Variants in ART3 observed in about 807,000 individuals in gnomAD.
ART3 encodes the protein ADP-ribosyltransferase 3 (inactive), also known as ecto-ADP-ribosyltransferase 3.
ART3 carries 49 observed loss-of-function variants against 48.5 expected under a neutral mutation model. That is an observed-to-expected ratio of 1.01 (90% CI 0.80 to 1.28). The LOEUF (loss-of-function observed/expected upper bound fraction) is 1.28. ART3 is among the 50% of genes most tolerant of loss of function. The probability of loss-of-function intolerance (pLI) is 0.00; values close to 1 mark genes in which losing one functional copy is unlikely to be tolerated. For synonymous variants in ART3, 145 were observed against 157.2 expected, an observed-to-expected ratio of 0.92 and a Z score of 0.58; for missense variants, 438 against 454.3, an observed-to-expected ratio of 0.96 and a Z score of 0.33.
intron 1 of ART3, among the ~76,000 whole-genome samples, chr4:76,044,823 C>T (rs1735341562): frequency 6.6e-6 from 1 of 152,038 alleles, no homozygotes; most frequent in Admixed American, 6.6e-5. Context: ...CCCTCTCCTT[C>T]CCATTTTGAT....
At chr4:76,043,857 C>T (rs1425929523) in intron 1 of ART3, among the ~76,000 whole-genome samples, 1 of 151,956 alleles carries the variant, frequency 6.6e-6, no homozygotes, top group Non-Finnish European at 1.5e-5. Flanking sequence ...CTCAATCCCA[C>T]CTCTAAACAG....
intron 1 of ART3, among the ~76,000 whole-genome samples, chr4:76,063,354 A>G (rs557068219): frequency 2.8e-4 from 43 of 152,320 alleles, no homozygotes; most frequent in African/African-American, 1.0e-3. Flanking sequence ...GATTCAAGAC[A>G]TAATTCAGGA....
chr4:76,043,070 A>G (rs1735133573), intron 1 of ART3, among the ~76,000 whole-genome samples: 1 of 151,916 alleles, frequency 6.6e-6, no homozygotes, highest in Non-Finnish European at 1.5e-5. Context: ...CAGAGTGTCG[A>G]TTGGTGCATT....
intron 2 of ART3, among the ~76,000 whole-genome samples, chr4:76,077,007 G>A (rs1008925388): frequency 2.0e-4 from 30 of 151,656 alleles, no homozygotes; most frequent in Admixed American, 2.6e-4. Context: ...TTCCTGTGTC[G>A]CAGTATGTTT....
chr4:76,030,342 C>G (rs1733766978), intron 1 of ART3, among the ~76,000 whole-genome samples: 1 of 152,252 alleles, frequency 6.6e-6, no homozygotes, highest in African/African-American at 2.4e-5. Flanking sequence ...AGGCGTGAGC[C>G]ACCGTGTCTG....
At chr4:76,110,110 A>T (rs1729198321) in intron 11 of ART3, among the ~76,000 whole-genome samples, 1 of 151,086 alleles carries the variant, frequency 6.6e-6, no homozygotes, top group Non-Finnish European at 1.5e-5. Flanking sequence ...AAAAACATTT[A>T]TTTTTTTTTT....
chr4:76,044,857 A>G (rs1735344699), intron 1 of ART3, among the ~76,000 whole-genome samples: 3 of 151,626 alleles, frequency 2.0e-5, no homozygotes, highest in African/African-American at 7.3e-5. Flanking sequence ...TAAGACTCCC[A>G]CCTCTTTGGG....
intron 1 of ART3, chr4:76,033,976 C>T (rs1200472074): frequency 6.5e-6 from 1 of 153,086 alleles, no homozygotes; most frequent in African/African-American, 2.4e-5. Flanking sequence ...GTACAGTAAA[C>T]ACACATATCC....
Position 76,082,713 on chromosome 4 carries a change from G to A in ART3, c.781+178G>A, listed in dbSNP as rs538185919. On this transcript the variant is annotated intron_variant, in intron 3 of 11. Transcript: ENST00000355810. ...ATTTTATGAAAATTGTACATTTACA[G>A]TATTATTAAAAGTTAAAAAAAATTA... Among the ~76,000 whole-genome samples the A allele has an allele frequency of 3.5e-4, 54 of 152,230 alleles. 1 individual carries two copies. Among genetic ancestry groups the A allele is most frequent in the African/African-American group, 1.3e-3 (54 of 41,536 alleles).
intron 10 of ART3, 66 bp downstream of exon 10, chr4:76,104,695 A>G (rs1015470811): frequency 6.5e-7 from 1 of 1,526,950 alleles, no homozygotes; most frequent in East Asian, 2.5e-5. Flanking sequence ...ACCATTAGAT[A>G]TGCATGGGAC....
intron 1 of ART3, among the ~76,000 whole-genome samples, chr4:76,068,717 G>C (rs12640367): frequency 0.61 from 93,026 of 151,952 alleles, 29,528 homozygotes; most frequent in East Asian, 0.93. Context: ...ATGAAGTAAT[G>C]GGTACAACAA....
At chr4:76,019,224 TA>T (rs900965439) in intron 1 of ART3, among the ~76,000 whole-genome samples, 3 of 151,734 alleles carry the variant, frequency 2.0e-5, no homozygotes, top group Non-Finnish European at 2.9e-5. Flanking sequence ...AAAAGAAAAG[TA>T]GAGTAATTAC....
At chr4:76,040,120 T>G (rs913836389) in intron 1 of ART3, among the ~76,000 whole-genome samples, 1 of 151,854 alleles carries the variant, frequency 6.6e-6, no homozygotes, top group African/African-American at 2.4e-5. Flanking sequence ...AGGTCAGGAG[T>G]TCGAGACCAG....
intron 8 of ART3, among the ~76,000 whole-genome samples, chr4:76,102,650 G>A (rs1181080916): frequency 8.4e-6 from 1 of 118,582 alleles, no homozygotes; most frequent in African/African-American, 2.6e-5. Context: ...ACTGCATATA[G>A]AGTATAATAT....
rs145149250 is a variant in ART3 at position 76,018,936 on chromosome 4, G to A, written c.-10+7616G>A. On this transcript the variant is annotated intron_variant, in intron 1 of 9. Transcript: ENST00000341029. ...CATGCCTGTGGTCCTAGCTACATGGGAGGCAGAGGTGGGAGGATTGCTTGA... is the reference window on the plus strand; with the variant it reads ...CATGCCTGTGGTCCTAGCTACATGGAAGGCAGAGGTGGGAGGATTGCTTGA... Among the ~76,000 whole-genome samples the A allele has an allele frequency of 9.1e-4, 138 of 152,066 alleles. 3 individuals are homozygous for A. Among genetic ancestry groups the A allele is most frequent in the African/African-American group, 3.2e-3 (132 of 41,474 alleles).
At chr4:76,092,575 AC>A (rs1306729146) in intron 3 of ART3, among the ~76,000 whole-genome samples, 2 of 151,952 alleles carry the variant, frequency 1.3e-5, no homozygotes, top group Non-Finnish European at 2.9e-5. Context: ...TGTTTATCAT[AC>A]TTATTTGGAC....
At chr4:76,028,926 T>A (rs1433413031) in intron 1 of ART3, among the ~76,000 whole-genome samples, 1 of 152,160 alleles carries the variant, frequency 6.6e-6, no homozygotes, top group Non-Finnish European at 1.5e-5. Flanking sequence ...GAGAGGACTT[T>A]TACAAATATG....
intron 1 of ART3, chr4:76,022,534 C>A: frequency 6.6e-7 from 1 of 1,506,082 alleles, no homozygotes; most frequent in South Asian, 1.1e-5. Context: ...GTTCTGAAGT[C>A]AGACATTTAA....
intron 1 of ART3, among the ~76,000 whole-genome samples, chr4:76,024,315 A>G (rs1733168365): frequency 6.6e-6 from 1 of 152,132 alleles, no homozygotes; most frequent in South Asian, 2.1e-4. Flanking sequence ...ACGCATAGAG[A>G]CAGACCTTGG....
Sources: allele counts gnomAD v4.1 joint callset (sites outside exome capture counted in the v4.1 genomes callset), GRCh38; gene constraint gnomAD v4.1.1; transcripts MANE v1.5; gene names NCBI Gene and HGNC (gene_info 2026-07-23, HGNC 2026-07-21).